Variants in KNL1 observed in about 807,000 individuals in gnomAD.
KNL1 encodes outer kinetochore KNL1 complex subunit KNL1.
A neutral mutation model predicts 201.3 loss-of-function variants in KNL1; 66 were observed. The observed-to-expected ratio is 0.33, with a 90% CI of 0.27 to 0.40. The LOEUF (loss-of-function observed/expected upper bound fraction) is 0.40, where lower values mean the gene tolerates loss of function less well. KNL1 is among the 10% of genes least tolerant of loss of function. The pLI, the probability that KNL1 is intolerant of heterozygous loss-of-function variation, is 1.00. For synonymous variants in KNL1, 895 were observed against 899.2 expected (o/e 1.00, Z 0.08); for missense variants, 2,815 against 2,690.5 (o/e 1.05, Z -1.02).
intron 7 of KNL1, among the ~76,000 whole-genome samples, chr15:40,613,015 G>C (rs1004654318): frequency 3.3e-5 from 5 of 152,086 alleles, no homozygotes; most frequent in African/African-American, 1.2e-4. Flanking sequence ...GAATAGATAA[G>C]GTTATTCACA....
chr15:40,629,470 T>C (rs28635302), intron 13 of KNL1, 99 bp downstream of exon 13: 1 of 496,836 alleles, frequency 2.0e-6, no homozygotes, highest in South Asian at 2.1e-5. Flanking sequence ...TAGAGAGTTT[T>C]CTTTTTTTTT....
chr15:40,655,784 C>T (rs1435687237), intron 22 of KNL1, among the ~76,000 whole-genome samples: 1 of 149,030 alleles, frequency 6.7e-6, no homozygotes, highest in Non-Finnish European at 1.5e-5. Flanking sequence ...GGCGTGGTGG[C>T]TGGCGCCTGT....
chr15:40,629,244 G>A (rs772346556), intron 12 of KNL1, 29 bp from the exon 13 acceptor site: 9 of 1,320,384 alleles, frequency 6.8e-6, no homozygotes, highest in Non-Finnish European at 8.5e-6. Context: ...ACATTGAATG[G>A]TCATGCAAAC....
In KNL1 at chr15:40,640,476, T is replaced by C. The variant is rs80000172; in HGVS notation, c.5683-436T>C. Reference sequence around the variant, plus strand: ...AAAACATTTTTAAATAACCAAATTTTCACTGCCTTATTTTATAATTGGAGG... The same window carrying C: ...AAAACATTTTTAAATAACCAAATTTCCACTGCCTTATTTTATAATTGGAGG... On this transcript the variant is annotated intron_variant, in intron 13 of 25. Coordinates refer to ENST00000399668, the MANE Select transcript of KNL1 (RefSeq NM_144508.5). 5.9e-5 allele frequency among the ~76,000 whole-genome samples: 9 copies of C among 152,264 alleles called. No individual in the cohort carries two copies. In the East Asian group the frequency reaches 1.7e-3, roughly 29 times the overall value.
rs780319970 is a variant in KNL1 at position 40,662,079 on chromosome 15, A to T, written c.6842A>T (p.Asp2281Val). ...TTAACCTTTGTTCTTTCCAGCCAAG[A>T]TGATATTGCTACCATTCTATCTAAA... ...IQNHVGNTSQ[D>V]DIATILSKVP... Residue 2281 changes from aspartate (D) to valine (V), a missense_variant, in exon 26 of 26, where the codon GAT becomes GTT. This residue lies in a region of KNL1 where 334 missense variants were observed against 362.6 expected (regional missense o/e 0.92). Transcript: ENST00000399668. 2 of 1,574,800 alleles carry T rather than the reference A, an allele frequency of 1.3e-6. No homozygotes were observed. Among genetic ancestry groups the T allele is most frequent in the African/African-American group, 1.3e-5 (1 of 74,270 alleles).
At position 40,622,810 on chromosome 15, in the gene KNL1, G is replaced by A. The variant is rs777075428; in HGVS notation, c.2546G>A (p.Gly849Glu). The A allele has an allele frequency of 1.9e-6, 3 of 1,612,840 alleles. No homozygotes were observed. The highest frequency in any genetic ancestry group is 2.7e-5 in the African/African-American group (2 of 74,792). ...PKEKQNVKIWGRKSVGGPKID... is the reference protein window; with the variant it reads ...PKEKQNVKIWERKSVGGPKID... ...GAAAAGCAAAATGTCAAAATTTGGGGAAGGAAAAGTGTTGGTGGACCAAAA... is the reference window on the plus strand; with the variant it reads ...GAAAAGCAAAATGTCAAAATTTGGGAAAGGAAAAGTGTTGGTGGACCAAAA... Residue 849 changes from glycine to glutamate, a missense_variant, in exon 10 of 26, where the codon GGA becomes GAA. Physicochemically the swap from Gly to Glu is moderately conservative, Grantham distance 98. Transcript: ENST00000399668.
chr15:40,632,380 A>G (rs936580), intron 13 of KNL1, among the ~76,000 whole-genome samples: 127,519 of 152,102 alleles, frequency 0.84, 54,325 homozygotes, highest in African/African-American at 0.92. Flanking sequence ...AGGCAGAGGC[A>G]GGAGGATTGC....
rs948034137 is a variant in KNL1 at position 40,662,652 on chromosome 15, A to C, written c.*464A>C. The C allele has an allele frequency of 2.6e-5, 5 of 191,792 alleles. No homozygotes were observed. The highest frequency in any genetic ancestry group is 1.2e-4 in the African/African-American group (5 of 43,008). The allele number at this position is 191,792 out of a possible 1,614,324, so 11.9% of individuals were successfully genotyped here. A position where few individuals can be genotyped will look rare whatever the true frequency, so the allele number is the denominator to read the frequency against. The stretch of plus-strand genomic sequence containing the variant: ...CAAACTATTATCCTTTTTCTCCGTT[A>C]CTAAAATGCTATTAAGAGAAAGTAG... On this transcript the variant is annotated 3_prime_UTR_variant, in exon 26 of 26. Transcript: ENST00000399668.
chr15:40,657,036 C>G lies in KNL1; in HGVS notation c.6485-6C>G. ...CCTGCTTTTGCTTTTTTTTTTCCTTCCCCAGAGGATCAAGCTCCTCCTTCC... is the reference window on the plus strand; with the variant it reads ...CCTGCTTTTGCTTTTTTTTTTCCTTGCCCAGAGGATCAAGCTCCTCCTTCC... On this transcript the variant is annotated splice_region_variant and splice_polypyrimidine_tract_variant and intron_variant, in intron 22 of 25. Transcript: ENST00000399668. 8 of 1,443,716 alleles carry G rather than the reference C, an allele frequency of 5.5e-6. No individual in the cohort carries two copies. The highest frequency in any genetic ancestry group is 7.5e-6 in the Non-Finnish European group (8 of 1,065,776). The allele number at this position is 1,443,716 out of a possible 1,614,324, so 89.4% of individuals were successfully genotyped here.
At chr15:40,634,382 G>A (rs1395046418) in intron 13 of KNL1, among the ~76,000 whole-genome samples, 1 of 152,212 alleles carries the variant, frequency 6.6e-6, no homozygotes, top group Non-Finnish European at 1.5e-5. Flanking sequence ...TGGGATTACA[G>A]GCATGAGCCA....
chr15:40,594,690 C>T (rs973646917), intron 1 of KNL1, among the ~76,000 whole-genome samples: 2 of 152,208 alleles, frequency 1.3e-5, no homozygotes, highest in African/African-American at 4.8e-5. Context: ...CCTCTTCCGC[C>T]CCGCCCTGCC....
intron 1 of KNL1, among the ~76,000 whole-genome samples, chr15:40,600,654 T>G (rs1158740828): frequency 6.6e-6 from 1 of 152,260 alleles, no homozygotes. Flanking sequence ...TGATCCTGTT[T>G]ATGTGTATTG....
intron 13 of KNL1, 97 bp downstream of exon 13, chr15:40,629,468 TTTC>T (rs1892844282): frequency 4.9e-6 from 3 of 608,872 alleles, no homozygotes; most frequent in Non-Finnish European, 5.3e-6. Context: ...TATAGAGAGT[TTTC>T]TTTTTTTTTT....
intron 24 of KNL1, among the ~76,000 whole-genome samples, chr15:40,658,127 A>G (rs554670712): frequency 1.7e-4 from 26 of 151,952 alleles, no homozygotes; most frequent in South Asian, 4.2e-4. Context: ...TTAGACAGGC[A>G]TGGTGGTGGG....
In KNL1 at chr15:40,623,917, C is replaced by T; in HGVS notation, c.3653C>T (p.Ala1218Val). ...GAAATCGCTGAAAAACAAGCACTGGCTGTAGGAAACAAAATAGTTCTTCAC... is the reference window on the plus strand; with the variant it reads ...GAAATCGCTGAAAAACAAGCACTGGTTGTAGGAAACAAAATAGTTCTTCAC... ...VQEIAEKQAL[A>V]VGNKIVLHTE... Residue 1218 changes from alanine to valine, a missense_variant, in exon 10 of 26, where the codon GCT becomes GTT. Coordinates refer to ENST00000399668, the MANE Select transcript of KNL1 (RefSeq NM_144508.5). The T allele has an allele frequency of 1.2e-6, 2 of 1,613,304 alleles. No individual in the cohort carries two copies.
rs150167615 is a variant in KNL1, at chr15:40,634,189, C to G, written c.5682+4818C>G. Among the ~76,000 whole-genome samples the G allele has an allele frequency of 4.8e-3, 727 of 152,292 alleles. 1 individual carries two copies. The highest frequency in any genetic ancestry group is 7.6e-3 in the Non-Finnish European group (514 of 68,032). ...TGGCATGATCTTGGCTCACTGCAAC[C>G]TCCGACTCCCAGGTTCAAGCGATTC... On this transcript the variant is annotated intron_variant, in intron 13 of 25. Transcript: ENST00000399668.
chr15:40,647,320 T>A (rs1893420109), intron 17 of KNL1, among the ~76,000 whole-genome samples: 1 of 151,604 alleles, frequency 6.6e-6, no homozygotes. Context: ...ACTAAAAATT[T>A]TAAAATTAGC....
At chr15:40,607,929 A>G (rs968396737) in intron 4 of KNL1, among the ~76,000 whole-genome samples, 3 of 152,178 alleles carry the variant, frequency 2.0e-5, no homozygotes, top group African/African-American at 4.8e-5. Context: ...CATATGATCC[A>G]ACAATTCCAC....
chr15:40,643,963 C>T (rs1367491173), intron 14 of KNL1, among the ~76,000 whole-genome samples: 1 of 152,128 alleles, frequency 6.6e-6, no homozygotes, highest in Admixed American at 6.5e-5. Context: ...GAAGAGGTGG[C>T]CTGCCCCTCC....
Sources: gnomAD v4.1 joint callset for allele counts (sites outside exome capture counted in the v4.1 genomes callset) on GRCh38, gnomAD v4.1.1 for gene constraint, gnomAD v4.1.1 regional missense constraint, MANE v1.5 for transcripts, NCBI Gene and HGNC (gene_info 2026-07-23, HGNC 2026-07-21) for gene names.